AUTS2: variants seen among roughly 807,000 people sequenced by gnomAD.
AUTS2 encodes autism susceptibility gene 2 protein.
AUTS2 carries 17 observed loss-of-function variants against 112.4 expected under a neutral mutation model. The observed-to-expected ratio is 0.15, with a 90% CI of 0.10 to 0.23. AUTS2 has a LOEUF of 0.23. Ranked by LOEUF, AUTS2 falls within the 10% of genes least tolerant of loss-of-function variation. The pLI, the probability that AUTS2 is intolerant of heterozygous loss-of-function variation, is 1.00. For synonymous variants in AUTS2, 751 were observed against 702.7 expected (o/e 1.07, Z -1.09); for missense variants, 1,510 against 1,701.6 (o/e 0.89, Z 1.98).
chr7:70,594,760 TGAG>T (rs749895886), intron 5 of AUTS2, among the ~76,000 whole-genome samples: 2 of 152,042 alleles, frequency 1.3e-5, no homozygotes, highest in Admixed American at 6.5e-5. Context: ...TCACTTTTGA[TGAG>T]GAGCAGATGT....
chr7:69,889,207 A>G (rs1232831252), intron 1 of AUTS2, among the ~76,000 whole-genome samples: 1 of 152,140 alleles, frequency 6.6e-6, no homozygotes, highest in Admixed American at 6.5e-5. Flanking sequence ...GTTCTAATTC[A>G]TTCTTTTATA....
intron 1 of AUTS2, among the ~76,000 whole-genome samples, chr7:69,781,100 A>G (rs756746318): frequency 1.3e-5 from 2 of 152,232 alleles, no homozygotes; most frequent in Non-Finnish European, 2.9e-5. Flanking sequence ...TGGAGCTGTG[A>G]TCTGGATCTT....
At chr7:70,104,954 G>T (rs1365336994) in intron 2 of AUTS2, among the ~76,000 whole-genome samples, 1 of 152,146 alleles carries the variant, frequency 6.6e-6, no homozygotes, top group African/African-American at 2.4e-5. Flanking sequence ...CGTGCATGTG[G>T]ATTATTTTAC....
chr7:70,652,834 T>A (rs561666320), intron 5 of AUTS2, among the ~76,000 whole-genome samples: 1 of 152,232 alleles, frequency 6.6e-6, no homozygotes, highest in Non-Finnish European at 1.5e-5. Flanking sequence ...GCAATGGTGG[T>A]GTTTTTTGGT....
chr7:70,089,747 G>A (rs1006366123), intron 2 of AUTS2, among the ~76,000 whole-genome samples: 1 of 151,966 alleles, frequency 6.6e-6, no homozygotes, highest in Admixed American at 6.6e-5. Flanking sequence ...AGTGTCTCAC[G>A]CCTGTAATCC....
chr7:70,579,244 T>TAAAAAAAACAAAAAAAAAAAAAA (rs1802318578), intron 5 of AUTS2, among the ~76,000 whole-genome samples: 1 of 55,868 alleles, frequency 1.8e-5, no homozygotes, highest in Non-Finnish European at 3.3e-5. Context: ...TTCTCTTTTC[T>TAAAAAAAACAAAAAAAAAAAAAA]AAAAAAAAAA....
intron 2 of AUTS2, among the ~76,000 whole-genome samples, chr7:70,005,275 T>G (rs1328787204): frequency 6.6e-6 from 1 of 152,086 alleles, no homozygotes; most frequent in Non-Finnish European, 1.5e-5. Flanking sequence ...GGGCCTTGCT[T>G]ATAATGCTGA....
At position 70,154,416 on chromosome 7, in the gene AUTS2, A is replaced by C. The variant is rs182494724; in HGVS notation, c.660+19845A>C. ...GGGGTTTTGTATATTTAAAAGATAC[A>C]TTTTTATAAAGAGAGATCTATAGAT... On this transcript the variant is annotated intron_variant, in intron 4 of 18. Transcript: ENST00000342771. Among the ~76,000 whole-genome samples, 14 of 152,306 alleles carry C rather than the reference A, an allele frequency of 9.2e-5. No homozygotes were observed. The East Asian group carries it at 2.7e-3, about 29-fold the overall frequency.
rs7787104 is a variant in AUTS2, at chr7:70,145,313, G to C, written c.660+10742G>C. Among the ~76,000 whole-genome samples, 375 of 152,114 alleles carry C rather than the reference G, an allele frequency of 2.5e-3. 1 individual carries two copies. The highest frequency in any genetic ancestry group is 4.4e-3 in the Non-Finnish European group (298 of 67,968). The stretch of plus-strand genomic sequence containing the variant: ...TACCTTTTTTCTTTGTAGCCATCGT[G>C]TACAACTGCTTTAAAAAAATTAGCT... On this transcript the variant is annotated intron_variant, in intron 4 of 18. Coordinates refer to ENST00000342771, the MANE Select transcript of AUTS2 (RefSeq NM_015570.4).
intron 2 of AUTS2, among the ~76,000 whole-genome samples, chr7:70,048,165 T>C (rs1801589213): frequency 6.6e-6 from 1 of 152,192 alleles, no homozygotes; most frequent in African/African-American, 2.4e-5. Context: ...TTTCTGTACT[T>C]TGTTAGTCTC....
At chr7:69,664,756 C>T (rs565134944) in intron 1 of AUTS2, among the ~76,000 whole-genome samples, 9 of 152,282 alleles carry the variant, frequency 5.9e-5, no homozygotes, top group African/African-American at 1.7e-4. Context: ...CATAAATTGT[C>T]AGGTTGAAGA....
intron 1 of AUTS2, among the ~76,000 whole-genome samples, chr7:69,849,971 G>A (rs1433066462): frequency 1.3e-5 from 2 of 152,070 alleles, no homozygotes; most frequent in African/African-American, 4.8e-5. Context: ...GATTGTAATT[G>A]CTGAGTTTTA....
At position 69,599,848 on chromosome 7, in the gene AUTS2, C is replaced by A. The variant is rs1190208974; in HGVS notation, c.195C>A (p.Ser65=). 6.2e-7 allele frequency: 1 copy of A among 1,612,468 alleles called. No individual in the cohort carries two copies. Among genetic ancestry groups the A allele is most frequent in the Non-Finnish European group, 8.5e-7 (1 of 1,179,596 alleles). The change falls in exon 1 of 19, where the codon TCC becomes TCA. Residue 65 remains serine, a synonymous_variant. Transcript: ENST00000342771. The surrounding 1 kb of genome is among the most constrained non-coding windows in gnomAD (Gnocchi z 7.0). ...AAGACAATGGGAAGCCCCCGTCCTC[C>A]GCCCCGTCCCGGCCCAGACCCCCGC... The part of the protein sequence containing the change: ...DKEDNGKPPS[S]APSRPRPPRR...
At chr7:70,323,783 A>T (rs904411606) in intron 4 of AUTS2, among the ~76,000 whole-genome samples, 1 of 152,214 alleles carries the variant, frequency 6.6e-6, no homozygotes, top group Non-Finnish European at 1.5e-5. Context: ...TGCTTATTTA[A>T]CTGCTTAGCC....
At chr7:70,327,210 G>C (rs1243983362) in intron 4 of AUTS2, among the ~76,000 whole-genome samples, 2 of 152,094 alleles carry the variant, frequency 1.3e-5, no homozygotes, top group Non-Finnish European at 2.9e-5. Context: ...AAGCCACCGC[G>C]CCCGGCCGCT....
intron 4 of AUTS2, among the ~76,000 whole-genome samples, chr7:70,267,283 T>G (rs1332027223): frequency 6.6e-6 from 1 of 152,074 alleles, no homozygotes; most frequent in Non-Finnish European, 1.5e-5. Flanking sequence ...TGTTTCTTTT[T>G]TTTTTTTTCC....
intron 4 of AUTS2, among the ~76,000 whole-genome samples, chr7:70,180,539 T>C (rs1809241511): frequency 6.6e-6 from 1 of 152,212 alleles, no homozygotes; most frequent in South Asian, 2.1e-4. Flanking sequence ...ACAGTCATGG[T>C]CTACCTGGCC....
intron 1 of AUTS2, among the ~76,000 whole-genome samples, chr7:69,867,326 T>C (rs1584362538): frequency 6.6e-6 from 1 of 152,208 alleles, no homozygotes; most frequent in African/African-American, 2.4e-5. Flanking sequence ...ATTGCCTTTT[T>C]TGCTCACCTA....
At chr7:70,179,734 G>C (rs1395871551) in intron 4 of AUTS2, among the ~76,000 whole-genome samples, 1 of 152,108 alleles carries the variant, frequency 6.6e-6, no homozygotes, top group African/African-American at 2.4e-5. Flanking sequence ...GGGAATTATA[G>C]GACTCTGAGG....
Sources: gnomAD v4.1 joint callset for allele counts (sites outside exome capture counted in the v4.1 genomes callset) on GRCh38, gnomAD v4.1.1 for gene constraint, Gnocchi (gnomAD v3.1) non-coding constraint, MANE v1.5 for transcripts, NCBI Gene and HGNC (gene_info 2026-07-23, HGNC 2026-07-21) for gene names.